TENM2: variants seen among roughly 807,000 people sequenced by gnomAD.
The protein encoded by TENM2 is teneurin transmembrane protein 2.
A neutral mutation model predicts 245.2 loss-of-function variants in TENM2; 52 were observed. That is an observed-to-expected ratio of 0.21 (90% CI 0.17 to 0.27). The LOEUF (loss-of-function observed/expected upper bound fraction) is 0.27. TENM2 is among the 10% of genes least tolerant of loss of function. The pLI is 1.00. For synonymous variants in TENM2, 1,363 were observed against 1,438.9 expected (o/e 0.95, Z 1.19); for missense variants, 3,046 against 3,666.8 (o/e 0.83, Z 4.37).
At chr5:167,867,514 T>C (rs1772426434) in intron 2 of TENM2, among the ~76,000 whole-genome samples, 2 of 152,158 alleles carry the variant, frequency 1.3e-5, no homozygotes, top group Admixed American at 1.3e-4. Context: ...TGTTCACAAT[T>C]GGGATAGTTT....
intron 1 of TENM2, among the ~76,000 whole-genome samples, chr5:167,324,908 G>A (rs1007737488): frequency 2.0e-5 from 3 of 152,090 alleles, no homozygotes; most frequent in Non-Finnish European, 4.4e-5. Flanking sequence ...CAGAGGGACC[G>A]AATTCGGCTT....
intron 2 of TENM2, among the ~76,000 whole-genome samples, chr5:167,575,403 G>A (rs760909509): frequency 4.6e-5 from 7 of 151,546 alleles, no homozygotes; most frequent in Non-Finnish European, 7.4e-5. Flanking sequence ...CAGCGGCCAC[G>A]GAAGGGAGGA....
the TENM2 span, among the ~76,000 whole-genome samples, chr5:167,269,688 A>G: frequency 1.3e-5 from 2 of 152,230 alleles, no homozygotes; most frequent in Admixed American, 1.3e-4. Context: ...GAAAGTCTCC[A>G]GGGAATATCT....
chr5:167,956,890 A>T (rs1001286464), intron 4 of TENM2, among the ~76,000 whole-genome samples: 3 of 151,878 alleles, frequency 2.0e-5, no homozygotes, highest in Admixed American at 2.0e-4. Context: ...TTTATTGAGG[A>T]TTTTCGCATC....
chr5:167,432,852 C>T (rs537593531), intron 2 of TENM2, among the ~76,000 whole-genome samples: 1 of 152,178 alleles, frequency 6.6e-6, no homozygotes, highest in East Asian at 1.9e-4. Flanking sequence ...TAACCCTTGA[C>T]AACTGCCCCA....
At chr5:168,100,375 ATTACTGGG>A (rs1562157606) in intron 9 of TENM2, among the ~76,000 whole-genome samples, 1 of 152,194 alleles carries the variant, frequency 6.6e-6, no homozygotes, top group African/African-American at 2.4e-5. Context: ...CAGCAATCCC[ATTACTGGG>A]TATATACCCA....
chr5:167,172,522 G>A, the TENM2 span, among the ~76,000 whole-genome samples: 1 of 152,088 alleles, frequency 6.6e-6, no homozygotes, highest in Non-Finnish European at 1.5e-5. Flanking sequence ...GACTAGTCTT[G>A]ATGTTAAGAC....
chr5:167,459,911 A>AACACACAC (rs57053799), intron 2 of TENM2, among the ~76,000 whole-genome samples: 355 of 149,676 alleles, frequency 2.4e-3, no homozygotes, highest in South Asian at 8.3e-3. Flanking sequence ...TATAAAGATA[A>AACACACAC]ACACACACAC....
intron 13 of TENM2, among the ~76,000 whole-genome samples, chr5:168,181,103 T>A (rs1759843174): frequency 6.6e-6 from 1 of 152,204 alleles, no homozygotes; most frequent in South Asian, 2.1e-4. Flanking sequence ...TCATAAATAA[T>A]GCAGGCTCTC....
chr5:168,263,253 C>T (rs545253475), downstream of TENM2: 1 of 160,742 alleles, frequency 6.2e-6, no homozygotes, highest in African/African-American at 2.4e-5. Flanking sequence ...GCCTCATATC[C>T]AATTACCTCA....
At chr5:167,572,641 A>C (rs554064063) in intron 2 of TENM2, among the ~76,000 whole-genome samples, 2 of 152,344 alleles carry the variant, frequency 1.3e-5, no homozygotes, top group African/African-American at 4.8e-5. Flanking sequence ...GAGGTCACTT[A>C]GGGAATTTAA....
chr5:167,286,118 A>T (rs1052208585), intron 1 of TENM2, among the ~76,000 whole-genome samples: 4 of 152,206 alleles, frequency 2.6e-5, no homozygotes, highest in African/African-American at 7.2e-5. Context: ...TACAATCCAG[A>T]GGTTGTTGTA....
At position 167,427,544 on chromosome 5, in the gene TENM2, GGGAAGGACGGGAAGGAAGGGAAGGAA is replaced by G. The variant is rs1317832085; in HGVS notation, c.502+52100_502+52125del. 2.7e-3 allele frequency among the ~76,000 whole-genome samples: 383 copies of G among 140,212 alleles called. 8 individuals carry two copies. The highest frequency in any genetic ancestry group is 0.01 in the African/African-American group (364 of 35,498). 92.0% of individuals were successfully genotyped at this position (140,212 alleles called of 152,430 possible). A position where few individuals can be genotyped will look rare whatever the true frequency, so the allele number is the denominator to read the frequency against. On this transcript the variant is annotated intron_variant, in intron 2 of 28. Transcript: ENST00000518659. ...GGAGGGAGGGAAGGATGGGAAGGAAGGGAAGGACGGGAAGGAAGGGAAGGAAGGAAGGACGGGAAGGAAGGGAAGGA... is the reference window on the plus strand; with the variant it reads ...GGAGGGAGGGAAGGATGGGAAGGAAGGGAAGGACGGGAAGGAAGGGAAGGA...
intron 1 of TENM2, among the ~76,000 whole-genome samples, chr5:167,308,475 A>G (rs1755810908): frequency 1.3e-5 from 2 of 152,160 alleles, no homozygotes; most frequent in Non-Finnish European, 2.9e-5. Context: ...CCTCAGCTCT[A>G]TTAGAAAATC....
At chr5:167,914,791 G>A (rs1221586461) in intron 3 of TENM2, among the ~76,000 whole-genome samples, 1 of 152,084 alleles carries the variant, frequency 6.6e-6, no homozygotes, top group African/African-American at 2.4e-5. Flanking sequence ...GCCTACAGCT[G>A]CAACACCTCA....
chr5:167,006,598 T>C, the TENM2 span, among the ~76,000 whole-genome samples: 1 of 152,222 alleles, frequency 6.6e-6, no homozygotes, highest in Non-Finnish European at 1.5e-5. Flanking sequence ...TATAGCTATA[T>C]GATATATTTA....
chr5:168,216,813 C>T, exon 22 of TENM2: 1 of 1,613,978 alleles, frequency 6.2e-7, no homozygotes, highest in Non-Finnish European at 8.5e-7. Context: ...GTCGATGCCA[C>T]CATGATCCGG....
At chr5:167,939,419 C>T (rs1321822593) in intron 3 of TENM2, among the ~76,000 whole-genome samples, 1 of 152,194 alleles carries the variant, frequency 6.6e-6, no homozygotes, top group Non-Finnish European at 1.5e-5. Context: ...TGCCCAGTTC[C>T]TGTACTGGCC....
intron 2 of TENM2, among the ~76,000 whole-genome samples, chr5:167,606,071 G>T (rs2127738317): frequency 6.6e-6 from 1 of 152,286 alleles, no homozygotes; most frequent in South Asian, 2.1e-4. Context: ...GTTCCCTGAG[G>T]CCCAGCCCAG....
Sources: allele counts gnomAD v4.1 joint callset (sites outside exome capture counted in the v4.1 genomes callset), GRCh38; gene constraint gnomAD v4.1.1; transcripts MANE v1.5; gene names NCBI Gene and HGNC (gene_info 2026-07-23, HGNC 2026-07-21).